The following SNX29 variants were observed in gnomAD, a reference collection of about 807,000 sequenced individuals.
SNX29 encodes the protein sorting nexin-29.
A neutral mutation model predicts 102.1 loss-of-function variants in SNX29; 78 were observed. The ratio of observed to expected loss-of-function variants is 0.76; its 90% CI spans 0.64 to 0.92. The LOEUF is 0.92. Among genes scored for constraint, SNX29 ranks in the 40% least tolerant of loss-of-function variants. SNX29 has a pLI of 0.00. For missense variants in SNX29, 1,280 were observed against 1,061.7 expected, an observed-to-expected ratio of 1.21 and a Z score of -2.86; for synonymous variants, 580 against 414.5, an observed-to-expected ratio of 1.40 and a Z score of -4.85.
At chr16:12,141,548 T>C (rs1393275328) in intron 13 of SNX29, among the ~76,000 whole-genome samples, 2 of 152,262 alleles carry the variant, frequency 1.3e-5, no homozygotes, top group African/African-American at 4.8e-5. Flanking sequence ...GGTTATTTCT[T>C]GATTATATGC....
chr16:12,066,236 A>G (rs1444626070), intron 9 of SNX29, among the ~76,000 whole-genome samples: 1 of 152,182 alleles, frequency 6.6e-6, no homozygotes, highest in Non-Finnish European at 1.5e-5. Flanking sequence ...ATGACAGGGA[A>G]CTGGGGCGTC....
At chr16:12,251,959 C>T (rs943175943) in intron 14 of SNX29, among the ~76,000 whole-genome samples, 2 of 152,058 alleles carry the variant, frequency 1.3e-5, no homozygotes, top group African/African-American at 4.8e-5. Flanking sequence ...TGAGGTCCTG[C>T]TATGTTGCTC....
intron 20 of SNX29, chr16:12,561,142 G>A (rs934593256): frequency 2.6e-5 from 6 of 229,010 alleles, no homozygotes; most frequent in African/African-American, 6.7e-5. Context: ...AGGCCCAGGT[G>A]TTGCCTAGGA....
intron 13 of SNX29, among the ~76,000 whole-genome samples, chr16:12,177,391 C>T (rs770744987): frequency 3.9e-5 from 6 of 152,116 alleles, no homozygotes; most frequent in Admixed American, 2.0e-4. Context: ...GTATGTGATG[C>T]CAGTTATATG....
intron 13 of SNX29, among the ~76,000 whole-genome samples, chr16:12,176,565 T>A (rs1302877493): frequency 6.6e-6 from 1 of 152,238 alleles, no homozygotes; most frequent in Non-Finnish European, 1.5e-5. Flanking sequence ...ATTATTTATA[T>A]AGCATTTGCA....
At chr16:12,252,296 G>A (rs1323822946) in intron 14 of SNX29, among the ~76,000 whole-genome samples, 4 of 151,744 alleles carry the variant, frequency 2.6e-5, no homozygotes, top group Non-Finnish European at 5.9e-5. Flanking sequence ...TGAATCCCCT[G>A]GCTGGAAGCT....
At chr16:12,091,527 C>T (rs151050523) in intron 11 of SNX29, among the ~76,000 whole-genome samples, 2 of 151,172 alleles carry the variant, frequency 1.3e-5, no homozygotes, top group African/African-American at 4.9e-5. Context: ...TGGCTTATGC[C>T]TGCAATCCCA....
rs187877325 is a variant in SNX29 at position 12,364,626 on chromosome 16, C to T, written c.1899+8347C>T. 2.8e-4 allele frequency among the ~76,000 whole-genome samples: 42 copies of T among 152,226 alleles called. No individual in the cohort carries two copies. In the East Asian group the frequency reaches 6.2e-3, roughly 22 times the overall value. On this transcript the variant is annotated intron_variant, in intron 16 of 20. Coordinates refer to ENST00000566228, the MANE Select transcript of SNX29 (RefSeq NM_032167.5). ...TTATAGAGGTCAATTAAAGACACAG[C>T]GCGGTGAAAGCTAAAGGTGAAGCCA...
intron 20 of SNX29, among the ~76,000 whole-genome samples, chr16:12,533,210 G>A (rs546290752): frequency 5.3e-4 from 81 of 152,346 alleles, no homozygotes; most frequent in African/African-American, 1.8e-3. Flanking sequence ...AGGCCACAGA[G>A]GACACTTTGC....
chr16:12,101,386 ATT>A (rs980544871), intron 11 of SNX29, among the ~76,000 whole-genome samples: 5 of 106,348 alleles, frequency 4.7e-5, no homozygotes, highest in Admixed American at 1.0e-4. Context: ...CCCCAATTTT[ATT>A]TTTTTTTTTT....
intron 11 of SNX29, among the ~76,000 whole-genome samples, chr16:12,088,904 A>G (rs2151389344): frequency 6.6e-6 from 1 of 152,250 alleles, no homozygotes; most frequent in East Asian, 1.9e-4. Flanking sequence ...CCTGGCCAAC[A>G]CAGCGAAACC....
intron 20 of SNX29, among the ~76,000 whole-genome samples, chr16:12,529,710 G>A (rs1567659875): frequency 6.6e-6 from 1 of 151,936 alleles, no homozygotes; most frequent in East Asian, 1.9e-4. Flanking sequence ...CTCTCTTAGG[G>A]TTGTGAAATA....
At chr16:12,388,896 G>A (rs901766029) in intron 16 of SNX29, among the ~76,000 whole-genome samples, 1 of 152,182 alleles carries the variant, frequency 6.6e-6, no homozygotes, top group Non-Finnish European at 1.5e-5. Flanking sequence ...GGAAAGGCAG[G>A]TGCCTTTGGT....
At position 12,466,488 on chromosome 16, in the gene SNX29, C is replaced by A. The variant is rs1394427643; in HGVS notation, c.2038-11231C>A. 2.0e-5 allele frequency among the ~76,000 whole-genome samples: 3 copies of A among 152,306 alleles called. No homozygotes were observed. In the East Asian group the frequency reaches 5.8e-4, roughly 29 times the overall value. On this transcript the variant is annotated intron_variant, in intron 18 of 20. Transcript: ENST00000566228. Reference sequence around the variant, plus strand: ...GGAGAGAGATACAGCAGGGGGACAACTTTTAGTGGCTACTACCAGATGAAC... The same window carrying A: ...GGAGAGAGATACAGCAGGGGGACAAATTTTAGTGGCTACTACCAGATGAAC...
At chr16:12,563,155 G>A (rs867150529) in intron 20 of SNX29, among the ~76,000 whole-genome samples, 1 of 151,904 alleles carries the variant, frequency 6.6e-6, no homozygotes, top group Admixed American at 6.6e-5. Flanking sequence ...CAGCTCCAGG[G>A]GGGGCAACTC....
intron 15 of SNX29, among the ~76,000 whole-genome samples, chr16:12,317,988 C>T (rs893360488): frequency 6.6e-6 from 1 of 152,230 alleles, no homozygotes; most frequent in Admixed American, 6.5e-5. Flanking sequence ...TAATAACAGC[C>T]TTGGCTGAGG....
At chr16:12,449,576 GGTT>G (rs1567574868) in intron 18 of SNX29, among the ~76,000 whole-genome samples, 1 of 152,194 alleles carries the variant, frequency 6.6e-6, no homozygotes, top group African/African-American at 2.4e-5. Context: ...TGCAGGCACG[GGTT>G]GATCAGGGGC....
At chr16:12,319,218 A>G (rs1014812617) in intron 15 of SNX29, among the ~76,000 whole-genome samples, 11 of 152,250 alleles carry the variant, frequency 7.2e-5, no homozygotes, top group Middle Eastern at 3.4e-3. Flanking sequence ...TGCTGACACA[A>G]TTGTTATAGA....
At chr16:12,439,630 C>T (rs916300614) in intron 18 of SNX29, among the ~76,000 whole-genome samples, 1 of 152,168 alleles carries the variant, frequency 6.6e-6, no homozygotes, top group Non-Finnish European at 1.5e-5. Flanking sequence ...GAAATTACCC[C>T]CATGATTCAG....
Sources: gnomAD v4.1 joint callset for allele counts (sites outside exome capture counted in the v4.1 genomes callset) on GRCh38, gnomAD v4.1.1 for gene constraint, MANE v1.5 for transcripts, NCBI Gene and HGNC (gene_info 2026-07-23, HGNC 2026-07-21) for gene names.